The following NTSR1 variants were observed in gnomAD, a reference collection of about 807,000 sequenced individuals.
The protein encoded by NTSR1 is neurotensin receptor 1, also known as neurotensin receptor type 1.
In NTSR1, 29 loss-of-function variants were observed where a neutral mutation model predicts 31.2. The ratio of observed to expected loss-of-function variants is 0.93; its 90% CI spans 0.69 to 1.27. The LOEUF (loss-of-function observed/expected upper bound fraction) is 1.27. Ranked by LOEUF, NTSR1 falls within the 50% of genes most tolerant of loss-of-function variation. The probability of loss-of-function intolerance (pLI) is 0.00; values close to 1 mark genes in which losing one functional copy is unlikely to be tolerated. For synonymous variants in NTSR1, 282 were observed against 269.9 expected (o/e 1.04, Z -0.44); for missense variants, 697 against 595.4 (o/e 1.17, Z -1.78).
rs1327832541 is a variant in NTSR1, at chr20:62,760,459, C to G, written c.*192C>G. 3 of 551,050 alleles carry G rather than the reference C, an allele frequency of 5.4e-6. No homozygotes were observed. The East Asian group carries it at 8.8e-5, about 16-fold the overall frequency. 34.1% of individuals were successfully genotyped at this position (551,050 alleles called of 1,614,324 possible). A position where few individuals can be genotyped will look rare whatever the true frequency, so the allele number is the denominator to read the frequency against. ...TCATTAGTGTCTCCCGGGCCTGTCC[C>G]CAACTCCTCCCCACCCCTCCCCCAT... On this transcript the variant is annotated 3_prime_UTR_variant, in exon 4 of 4. Coordinates refer to ENST00000370501, the MANE Select transcript of NTSR1 (RefSeq NM_002531.3).
rs967865620 is a variant in NTSR1 at position 62,732,438 on chromosome 20, T to A, written c.715-22247T>A. 3 of 152,252 alleles carry A rather than the reference T, an allele frequency of 2.0e-5. No individual in the cohort carries two copies. The highest frequency in any genetic ancestry group is 7.2e-5 in the African/African-American group (3 of 41,454). 9.4% of individuals were successfully genotyped at this position (152,252 alleles called of 1,614,324 possible). A position where few individuals can be genotyped will look rare whatever the true frequency, so the allele number is the denominator to read the frequency against. On this transcript the variant is annotated intron_variant, in intron 1 of 3. Transcript: ENST00000370501. This position sits in a 1 kb window ranked among gnomAD's most constrained non-coding sequence, Gnocchi z 4.0. Reference sequence around the variant, plus strand: ...TTCCTGTTGCCATGATGGATTTCGATAATCTGTTTCCGAACCCTGGAGCAG... The same window carrying A: ...TTCCTGTTGCCATGATGGATTTCGAAAATCTGTTTCCGAACCCTGGAGCAG...
rs994508965 is a variant in NTSR1 at position 62,711,799 on chromosome 20, C to T, written c.714+1878C>T. Among the ~76,000 whole-genome samples, 3 of 152,178 alleles carry T rather than the reference C, an allele frequency of 2.0e-5. No homozygotes were observed. Among genetic ancestry groups the T allele is most frequent in the African/African-American group, 7.2e-5 (3 of 41,440 alleles). On this transcript the variant is annotated intron_variant, in intron 1 of 3. Transcript: ENST00000370501. The surrounding 1 kb of genome is among the most constrained non-coding windows in gnomAD (Gnocchi z 6.4). ...GCACCTGGGGGACATCACTTTGCCT[C>T]CCAAAGCACCACCTGCCCAGCCTTG... is the stretch of plus-strand genomic sequence containing the variant.
Position 62,714,608 on chromosome 20 carries a change from T to A in NTSR1, c.714+4687T>A, listed in dbSNP as rs567220800. ...ATCCTTGGAGCAAAGCCATTGAATCTGAATCTCATGGAGCCCCTGATCCAA... is the reference window on the plus strand; with the variant it reads ...ATCCTTGGAGCAAAGCCATTGAATCAGAATCTCATGGAGCCCCTGATCCAA... On this transcript the variant is annotated intron_variant, in intron 1 of 3. Transcript: ENST00000370501. The surrounding 1 kb of genome is among the most constrained non-coding windows in gnomAD (Gnocchi z 4.1). 5.3e-5 allele frequency among the ~76,000 whole-genome samples: 8 copies of A among 152,118 alleles called. No individual in the cohort carries two copies. Among genetic ancestry groups the A allele is most frequent in the Non-Finnish European group, 1.0e-4 (7 of 68,026 alleles).
intron 2 of NTSR1, chr20:62,756,677 C>A (rs115422945): frequency 1.1e-3 from 171 of 152,386 alleles, no homozygotes; most frequent in African/African-American, 3.9e-3. Context: ...CAACGCCCAT[C>A]CTATCGGAAC....
At chr20:62,740,693 G>T (rs543957020) in intron 1 of NTSR1, among the ~76,000 whole-genome samples, 1 of 152,238 alleles carries the variant, frequency 6.6e-6, no homozygotes, top group Non-Finnish European at 1.5e-5. Flanking sequence ...TCCCCAGAGA[G>T]GTGGGGGCCG....
At chr20:62,736,876 G>A (rs1989105086) in intron 1 of NTSR1, among the ~76,000 whole-genome samples, 1 of 152,230 alleles carries the variant, frequency 6.6e-6, no homozygotes, top group Non-Finnish European at 1.5e-5. Context: ...GTTCCCCCAG[G>A]CAGTTCTTGT....
intron 1 of NTSR1, among the ~76,000 whole-genome samples, chr20:62,752,697 A>G (rs1163581266): frequency 6.6e-6 from 1 of 152,180 alleles, no homozygotes; most frequent in Non-Finnish European, 1.5e-5. Flanking sequence ...TGTTGGATAC[A>G]TTGGTGCTGT....
At chr20:62,755,377 A>T (rs1240743290) in intron 2 of NTSR1, among the ~76,000 whole-genome samples, 1 of 4,250 alleles carries the variant, frequency 2.4e-4, no homozygotes. Context: ...TCATCCCTCC[A>T]TCCACCCTCC....
At chr20:62,737,754 T>C (rs1428499800) in intron 1 of NTSR1, among the ~76,000 whole-genome samples, 2 of 151,670 alleles carry the variant, frequency 1.3e-5, no homozygotes, top group Admixed American at 1.3e-4. Flanking sequence ...AAACCCAGAA[T>C]GCAGTTGTGG....
chr20:62,759,615 A>C (rs1212839133), intron 3 of NTSR1, among the ~76,000 whole-genome samples: 1 of 152,152 alleles, frequency 6.6e-6, no homozygotes, highest in Non-Finnish European at 1.5e-5. Context: ...TCTACCAAAA[A>C]TACAAAAAAT....
chr20:62,710,584 C>G (rs530061366), intron 1 of NTSR1, among the ~76,000 whole-genome samples: 20 of 152,270 alleles, frequency 1.3e-4, no homozygotes, highest in African/African-American at 4.1e-4. Flanking sequence ...TTGTGAGGAT[C>G]TGCGTGTGGC....
At chr20:62,712,682 C>T (rs897831144) in intron 1 of NTSR1, among the ~76,000 whole-genome samples, 1 of 152,218 alleles carries the variant, frequency 6.6e-6, no homozygotes, top group African/African-American at 2.4e-5. Context: ...GCTGGGGGCT[C>T]AGGGACCTAC....
rs1393344168 is a variant in NTSR1, at chr20:62,709,358, A to C, written c.151A>C (p.Ser51Arg). 1 of 1,609,832 alleles carries C rather than the reference A, an allele frequency of 6.2e-7. No individual in the cohort carries two copies. Among genetic ancestry groups the C allele is most frequent in the South Asian group, 1.1e-5 (1 of 90,870 alleles). ...NASERVLAAP[S>R]SELDVNTDIY... ...GTCGGAGCGCGTCCTGGCGGCACCC[A>C]GCAGCGAGCTGGACGTGAACACCGA... The change falls in exon 1 of 4, where the codon AGC becomes CGC. Residue 51 changes from serine to arginine, a missense_variant. Transcript: ENST00000370501.
At chr20:62,751,320 T>G (rs1290434518) in intron 1 of NTSR1, among the ~76,000 whole-genome samples, 3 of 152,232 alleles carry the variant, frequency 2.0e-5, no homozygotes, top group Admixed American at 1.3e-4. Context: ...CTTCTTACCA[T>G]GTGGAATTTT....
rs1255443702 is a variant in NTSR1 at position 62,742,360 on chromosome 20, TC to T, written c.715-12323del. The stretch of plus-strand genomic sequence containing the variant: ...CTGACCACGCGGCAATGTACGGCTT[TC>T]CAGGCCCCCATCCACCATGAGTCAG... On this transcript the variant is annotated intron_variant, in intron 1 of 3. Transcript: ENST00000370501. The surrounding 1 kb of genome is among the most constrained non-coding windows in gnomAD (Gnocchi z 7.1). Among the ~76,000 whole-genome samples the T allele has an allele frequency of 6.7e-6, 1 of 149,294 alleles. No homozygotes were observed. Among genetic ancestry groups the T allele is most frequent in the Non-Finnish European group, 1.5e-5 (1 of 67,992 alleles).
At position 62,754,814 on chromosome 20, in the gene NTSR1, G is replaced by T; in HGVS notation, c.844G>T (p.Glu282Ter). ...EQGQVCTVGG[E>*]HSTFSMAIEP... is the part of the protein sequence containing the mutation. ...GGGCCAAGTGTGCACGGTCGGGGGC[G>T]AGCACAGCACATTCAGCATGGCCAT... The change falls in exon 2 of 4, where the codon GAG (glutamate) becomes TAG (stop). Residue 282 changes from glutamate to a stop codon, truncating the protein, a stop_gained. Coordinates refer to ENST00000370501, the MANE Select transcript of NTSR1 (RefSeq NM_002531.3). LOFTEE classifies it high-confidence loss of function. 4 of 1,610,132 alleles carry T rather than the reference G, an allele frequency of 2.5e-6. No individual in the cohort carries two copies. Among genetic ancestry groups the T allele is most frequent in the Non-Finnish European group, 3.4e-6 (4 of 1,179,712 alleles).
At position 62,733,077 on chromosome 20, in the gene NTSR1, G is replaced by GTATCCAACA. The variant is rs1375217795; in HGVS notation, c.715-21601_715-21600insCATATCCAA. 1.3e-5 allele frequency: 2 copies of GTATCCAACA among 152,230 alleles called. No individual in the cohort carries two copies. The highest frequency in any genetic ancestry group is 1.5e-5 in the Non-Finnish European group (1 of 68,020). The allele number at this position is 152,230 out of a possible 1,614,324, so 9.4% of individuals were successfully genotyped here. A position where few individuals can be genotyped will look rare whatever the true frequency, so the allele number is the denominator to read the frequency against. On this transcript the variant is annotated intron_variant, in intron 1 of 3. Transcript: ENST00000370501. The surrounding 1 kb of genome is among the most constrained non-coding windows in gnomAD (Gnocchi z 5.2). ...CCCGCAGGCGTGGCCCTGAGGCCAC[G>GTATCCAACA]TATCCAAGCAGCAGTGCCGTGCATA...
intron 3 of NTSR1, among the ~76,000 whole-genome samples, chr20:62,759,608 A>G (rs1193850769): frequency 6.6e-6 from 1 of 152,066 alleles, no homozygotes. Context: ...CCCCGTCTCT[A>G]CCAAAAATAC....
chr20:62,740,258 C>T (rs1214633820), intron 1 of NTSR1, among the ~76,000 whole-genome samples: 3 of 152,232 alleles, frequency 2.0e-5, no homozygotes, highest in Non-Finnish European at 4.4e-5. Flanking sequence ...CCGGATCGAA[C>T]GGGCTCATTC....
Sources: gnomAD v4.1 joint callset for allele counts (sites outside exome capture counted in the v4.1 genomes callset) on GRCh38, gnomAD v4.1.1 for gene constraint, Gnocchi (gnomAD v3.1) non-coding constraint, MANE v1.5 for transcripts, NCBI Gene and HGNC (gene_info 2026-07-23, HGNC 2026-07-21) for gene names.